Variants in TMEM237 observed in about 807,000 individuals in gnomAD.
TMEM237 encodes the protein transmembrane protein 237.
TMEM237 carries 51 observed loss-of-function variants against 59.1 expected under a neutral mutation model. The observed-to-expected ratio is 0.86, with a 90% CI of 0.69 to 1.09. The LOEUF (loss-of-function observed/expected upper bound fraction) is 1.09, where lower values mean the gene tolerates loss of function less well. Among genes scored for constraint, TMEM237 ranks in the 50% least tolerant of loss-of-function variants. The pLI is 0.00. For missense variants in TMEM237, 475 were observed against 478.3 expected (o/e 0.99, Z 0.06); for synonymous variants, 140 against 166.1 (o/e 0.84, Z 1.21).
chr2:201,633,533 G>T, intron 5 of TMEM237, 102 bp from the exon 6 acceptor site: 1 of 906,100 alleles, frequency 1.1e-6, no homozygotes, highest in Non-Finnish European at 1.5e-6. Flanking sequence ...AATTTTAATT[G>T]GGCAAAAATG....
intron 12 of TMEM237, 22 bp downstream of exon 12, chr2:201,626,004 T>A: frequency 6.4e-7 from 1 of 1,555,542 alleles, no homozygotes; most frequent in Non-Finnish European, 8.7e-7. Context: ...GATATTCTTA[T>A]GCTATTTTTT....
In TMEM237 at chr2:201,624,386, T is replaced by C. The variant is rs17384203; in HGVS notation, c.1160-64A>G. On this transcript the variant is annotated intron_variant, in intron 12 of 12. Transcript: ENST00000409883. Reference sequence around the variant, plus strand: ...TCCCAGTACCTCCAACAGAGTTGTATAGCTTATTTATAAATAGTCCTTTAA... The same window carrying C: ...TCCCAGTACCTCCAACAGAGTTGTACAGCTTATTTATAAATAGTCCTTTAA... 0.078 allele frequency: 96,240 copies of C among 1,234,858 alleles called. 4,051 individuals carry two copies. Among genetic ancestry groups the C allele is most frequent in the Middle Eastern group, 0.1 (509 of 5,082 alleles). The allele number at this position is 1,234,858 out of a possible 1,614,324, so 76.5% of individuals were successfully genotyped here.
In TMEM237 at chr2:201,637,315, A is replaced by C. The variant is rs373975023; in HGVS notation, c.137-430T>G. On this transcript the variant is annotated intron_variant, in intron 4 of 12. Transcript: ENST00000409883. Reference sequence around the variant, plus strand: ...AAGAATAATAAAGTCATCATGGATAATTGGAGTTAGCAGGTAATTTATAAG... The same window carrying C: ...AAGAATAATAAAGTCATCATGGATACTTGGAGTTAGCAGGTAATTTATAAG... Among the ~76,000 whole-genome samples the C allele has an allele frequency of 2.2e-3, 330 of 152,346 alleles. 1 individual carries two copies. Among genetic ancestry groups the C allele is most frequent in the African/African-American group, 7.3e-3 (304 of 41,582 alleles).
At chr2:201,628,889 G>T (rs146477840) in intron 9 of TMEM237, among the ~76,000 whole-genome samples, 1 of 152,308 alleles carries the variant, frequency 6.6e-6, no homozygotes, top group African/African-American at 2.4e-5. Flanking sequence ...GCCAGCCAGT[G>T]TGTGGTACTT....
chr2:201,627,457 C>G, intron 10 of TMEM237, 43 bp from the exon 11 acceptor site: 2 of 1,314,918 alleles, frequency 1.5e-6, no homozygotes, highest in South Asian at 1.3e-5. Context: ...TTTTAACAAC[C>G]TGGTTTATTT....
chr2:201,626,189 G>T (rs543786476), intron 11 of TMEM237, 42 bp from the exon 12 acceptor site: 1 of 1,590,302 alleles, frequency 6.3e-7, no homozygotes, highest in East Asian at 2.2e-5. Flanking sequence ...CTTCAGTTTG[G>T]TTCATATACA....
chr2:201,642,751 C>T, intron 1 of TMEM237: 1 of 1,464,842 alleles, frequency 6.8e-7, no homozygotes, highest in Non-Finnish European at 9.0e-7. Context: ...GTACCCCGCG[C>T]GCAGCGCCCT....
Position 201,629,434 on chromosome 2 carries a change from G to A in TMEM237, c.678-13C>T, listed in dbSNP as rs1957789089. 5.2e-6 allele frequency: 8 copies of A among 1,530,586 alleles called. No individual in the cohort carries two copies. The highest frequency in any genetic ancestry group is 6.1e-6 in the Non-Finnish European group (7 of 1,146,622). The allele number at this position is 1,530,586 out of a possible 1,614,324, so 94.8% of individuals were successfully genotyped here. A position where few individuals can be genotyped will look rare whatever the true frequency, so the allele number is the denominator to read the frequency against. The stretch of plus-strand genomic sequence containing the variant: ...GAGACCAATCATCCTGAATGGAAAA[G>A]GGTTTGATTATTATACATGAATTAC... On this transcript the variant is annotated splice_polypyrimidine_tract_variant and intron_variant, in intron 8 of 12. Coordinates refer to ENST00000409883, the MANE Select transcript of TMEM237 (RefSeq NM_001044385.3).
In TMEM237 at chr2:201,636,770, C is replaced by A. The variant is rs1482112584; in HGVS notation, c.252G>T (p.Gln84His). The A allele has an allele frequency of 4.4e-6, 7 of 1,578,858 alleles. No homozygotes were observed. Among genetic ancestry groups the A allele is most frequent in the Non-Finnish European group, 6.0e-6 (7 of 1,161,304 alleles). The change falls in exon 5 of 13, where the codon CAG (glutamine) becomes CAT (histidine). Residue 84 changes from glutamine (Q) to histidine (H), a missense_variant. Physicochemically the swap from Gln to His is conservative, Grantham distance 24. Transcript: ENST00000409883. ...EHPEAPVQRR[Q>H]KKTRLPLELE... ...TACCAAGAGGTAGCCTTGTCTTTTT[C>A]TGTCTTCTTTGAACAGGAGCCTCTG...
intron 1 of TMEM237, among the ~76,000 whole-genome samples, chr2:201,642,456 C>G (rs928331702): frequency 2.6e-5 from 4 of 152,172 alleles, no homozygotes; most frequent in African/African-American, 7.2e-5. Context: ...CGCGCGCGAT[C>G]GATCCCAGGG....
chr2:201,633,934 A>C (rs909213769), intron 5 of TMEM237, among the ~76,000 whole-genome samples: 2 of 152,220 alleles, frequency 1.3e-5, no homozygotes, highest in Non-Finnish European at 2.9e-5. Flanking sequence ...TGTTGTACAA[A>C]AGAAGCTCAT....
chr2:201,641,002 T>C (rs963515658), intron 1 of TMEM237, 78 bp from the exon 2 acceptor site: 1 of 1,399,650 alleles, frequency 7.1e-7, no homozygotes, highest in Non-Finnish European at 9.8e-7. Context: ...CGCTATTTTT[T>C]TTTTTTTGAG....
Position 201,643,274 on chromosome 2 carries a change from G to GGCCCCCCCCACCCCCCCC in TMEM237, c.42+84_42+85insGGGGGGGGTGGGGGGGGC. The GGCCCCCCCCACCCCCCCC allele has an allele frequency of 8.3e-7, 1 of 1,206,758 alleles. No individual in the cohort carries two copies. The highest frequency in any genetic ancestry group is 1.2e-6 in the Non-Finnish European group (1 of 849,318). 74.8% of individuals were successfully genotyped at this position (1,206,758 alleles called of 1,614,324 possible). On this transcript the variant is annotated intron_variant, in intron 1 of 12. Transcript: ENST00000409883. The surrounding 1 kb of genome is among the most constrained non-coding windows in gnomAD (Gnocchi z 4.3). The stretch of plus-strand genomic sequence containing the variant: ...CCTTAGTGATTCCCAGCTCGTTGGC[G>GGCCCCCCCCACCCCCCCC]CCCCCCCACACACACCCACCCCCAC...
chr2:201,631,998 A>G (rs1426508316), intron 7 of TMEM237, 53 bp downstream of exon 7: 14 of 1,580,740 alleles, frequency 8.9e-6, no homozygotes, highest in Non-Finnish European at 1.2e-5. Context: ...TATAAAGGAT[A>G]TCCTTGGACA....
intron 5 of TMEM237, 145 bp downstream of exon 5, chr2:201,636,603 T>G: frequency 3.4e-6 from 3 of 872,236 alleles, no homozygotes; most frequent in Non-Finnish European, 5.2e-6. Context: ...ATTGGAGTTA[T>G]TCTAGTGGTA....
chr2:201,640,863 A>T lies in TMEM237; in HGVS notation c.74+30T>A, dbSNP rs577737248. ...TCTTCATTTTCCATTTTTAAAGCTC[A>T]ATAATGAAATTACTGTAAATTATTT... On this transcript the variant is annotated intron_variant, in intron 2 of 12. Coordinates refer to ENST00000409883, the MANE Select transcript of TMEM237 (RefSeq NM_001044385.3). 5.7e-5 allele frequency: 87 copies of T among 1,535,550 alleles called. 1 individual carries two copies. In the Middle Eastern group the frequency reaches 8.9e-4, roughly 16 times the overall value.
intron 1 of TMEM237, among the ~76,000 whole-genome samples, chr2:201,641,400 A>C (rs1306767748): frequency 6.6e-6 from 1 of 152,110 alleles, no homozygotes; most frequent in Non-Finnish European, 1.5e-5. Flanking sequence ...GAAACCTGGG[A>C]GGTACTGATG....
intron 4 of TMEM237, among the ~76,000 whole-genome samples, chr2:201,637,375 C>T (rs895943501): frequency 2.0e-5 from 3 of 152,148 alleles, no homozygotes; most frequent in African/African-American, 7.2e-5. Context: ...AACTTCTTCC[C>T]TCATGAAATC....
In TMEM237 at chr2:201,632,976, A is replaced by G. The variant is rs985321965; in HGVS notation, c.395+335T>C. Among the ~76,000 whole-genome samples the G allele has an allele frequency of 2.0e-5, 3 of 152,348 alleles. No individual in the cohort carries two copies. In the South Asian group the frequency reaches 6.2e-4, roughly 32 times the overall value. On this transcript the variant is annotated intron_variant, in intron 6 of 12. Coordinates refer to ENST00000409883, the MANE Select transcript of TMEM237 (RefSeq NM_001044385.3). ...TGAATTCTGTTAACATAAGAAAATA[A>G]ATCACAATAGCCTATTTCATTATCT...
Sources: gnomAD v4.1 joint callset for allele counts (sites outside exome capture counted in the v4.1 genomes callset) on GRCh38, gnomAD v4.1.1 for gene constraint, Gnocchi (gnomAD v3.1) non-coding constraint, MANE v1.5 for transcripts, NCBI Gene and HGNC (gene_info 2026-07-23, HGNC 2026-07-21) for gene names.